The following TKTL1 variants were observed in gnomAD, a reference collection of about 807,000 sequenced individuals.
TKTL1 encodes the protein transketolase-like protein 1.
In TKTL1, 1 loss-of-function variant was observed where a neutral mutation model predicts 39.3. The observed-to-expected ratio is 0.03, with a 90% CI of 0.01 to 0.12. The LOEUF is 0.12. Among genes scored for constraint, TKTL1 ranks in the 10% least tolerant of loss-of-function variants. The probability of loss-of-function intolerance (pLI) is 1.00; values close to 1 mark genes in which losing one functional copy is unlikely to be tolerated. For missense variants in TKTL1, 575 were observed against 509.6 expected, an observed-to-expected ratio of 1.13 and a Z score of -1.24; for synonymous variants, 262 against 193.8, an observed-to-expected ratio of 1.35 and a Z score of -2.92.
Position 154,329,918 on chromosome X carries a change from T to C in TKTL1, c.*230T>C. 9.0e-6 allele frequency: 3 copies of C among 332,968 alleles called. No homozygotes were observed. Among genetic ancestry groups the C allele is most frequent in the East Asian group, 4.7e-5 (1 of 21,480 alleles). The allele number at this position is 332,968 out of a possible 1,213,427, so 27.4% of individuals were successfully genotyped here. A position where few individuals can be genotyped will look rare whatever the true frequency, so the allele number is the denominator to read the frequency against. On this transcript the variant is annotated 3_prime_UTR_variant, in exon 13 of 13. Coordinates refer to ENST00000369915, the MANE Select transcript of TKTL1 (RefSeq NM_012253.4). ...ATCATTAAAGGGAGTTACACAACTTTTAAGTGAAAAAAATAGGTAACAAAA... is the reference window on the plus strand; with the variant it reads ...ATCATTAAAGGGAGTTACACAACTTCTAAGTGAAAAAAATAGGTAACAAAA...
intron 10 of TKTL1, among the ~76,000 whole-genome samples, chrX:154,326,520 A>G (rs187967426): frequency 8.9e-6 from 1 of 112,520 alleles, no homozygotes; most frequent in African/African-American, 3.2e-5. Context: ...GCTGCTCCAG[A>G]ATTCACAGTT....
chrX:154,296,040 G>A (rs782302538), intron 1 of TKTL1, 47 bp downstream of exon 1: 12 of 1,190,239 alleles, frequency 1.0e-5, no homozygotes, highest in Middle Eastern at 2.4e-4. Flanking sequence ...CCACGGGCCC[G>A]GTGGCTTCAG....
intron 1 of TKTL1, among the ~76,000 whole-genome samples, chrX:154,296,273 G>A (rs782504938): frequency 2.7e-5 from 3 of 111,473 alleles, no homozygotes; most frequent in Non-Finnish European, 5.7e-5. Flanking sequence ...AGGTCGCCAA[G>A]ATCTCCAGTT....
intron 7 of TKTL1, among the ~76,000 whole-genome samples, chrX:154,319,375 C>A (rs782734242): frequency 4.5e-5 from 5 of 112,237 alleles, no homozygotes; most frequent in East Asian, 5.6e-4. Flanking sequence ...CCAGGATGAT[C>A]CCCCTGTAAG....
chrX:154,299,263 C>G (rs1451574504), intron 1 of TKTL1, among the ~76,000 whole-genome samples: 1 of 99,053 alleles, frequency 1.0e-5, no homozygotes, highest in East Asian at 3.4e-4. Context: ...TCAAGCAATT[C>G]TCCTGCCTCG....
Position 154,295,846 on chromosome X carries a change from A to C in TKTL1, c.-14A>C. ...CGTAGGAGTGGGTCTTCAGACTCCA[A>C]AGGGGTTGGACTAATGGCGGATGCT... On this transcript the variant is annotated 5_prime_UTR_variant, in exon 1 of 13. Coordinates refer to ENST00000369915, the MANE Select transcript of TKTL1 (RefSeq NM_012253.4). 1 of 1,208,382 alleles carries C rather than the reference A, an allele frequency of 8.3e-7. No homozygotes were observed. Among genetic ancestry groups the C allele is most frequent in the Non-Finnish European group, 1.1e-6 (1 of 893,904 alleles).
chrX:154,299,679 A>G (rs2067258059), intron 1 of TKTL1, among the ~76,000 whole-genome samples: 1 of 111,130 alleles, frequency 9.0e-6, no homozygotes, highest in African/African-American at 3.3e-5. Context: ...AGCTCCACTT[A>G]CAAGTGAAAA....
intron 12 of TKTL1, among the ~76,000 whole-genome samples, chrX:154,328,778 C>G (rs1430596389): frequency 9.1e-6 from 1 of 109,924 alleles, no homozygotes; most frequent in African/African-American, 3.3e-5. Flanking sequence ...TGCCTGATCT[C>G]TCGAAGGACT....
intron 12 of TKTL1, among the ~76,000 whole-genome samples, chrX:154,329,184 A>G (rs1415588022): frequency 8.9e-6 from 1 of 112,462 alleles, no homozygotes; most frequent in Admixed American, 9.4e-5. Context: ...TTCACGAGCC[A>G]AGAGCTAACC....
At chrX:154,310,496 T>C (rs965136701) in intron 3 of TKTL1, among the ~76,000 whole-genome samples, 1 of 112,307 alleles carries the variant, frequency 8.9e-6, no homozygotes, top group East Asian at 2.8e-4. Flanking sequence ...GAAAAATGAA[T>C]GTGTAAATGT....
intron 2 of TKTL1, among the ~76,000 whole-genome samples, chrX:154,308,751 AG>A (rs782456211): frequency 2.7e-5 from 3 of 109,825 alleles, no homozygotes; most frequent in African/African-American, 9.9e-5. Flanking sequence ...GCCTGCAAAC[AG>A]GATGTTGGGG....
chrX:154,308,342 G>A (rs1372173455), intron 2 of TKTL1, among the ~76,000 whole-genome samples: 2 of 112,125 alleles, frequency 1.8e-5, no homozygotes, highest in Non-Finnish European at 3.8e-5. Flanking sequence ...TGCCCACTGT[G>A]TTCAAGGAGC....
chrX:154,314,055 G>A (rs1603353064), intron 6 of TKTL1, among the ~76,000 whole-genome samples: 1 of 111,080 alleles, frequency 9.0e-6, no homozygotes, highest in East Asian at 2.8e-4. Flanking sequence ...TTGACTAAAA[G>A]AGGTATAAAA....
rs184971037 is a variant in TKTL1 at position 154,323,994 on chromosome X, G to A, written c.1317+657G>A. 3.1e-3 allele frequency among the ~76,000 whole-genome samples: 351 copies of A among 112,674 alleles called. 2 individuals are homozygous for A. The highest frequency in any genetic ancestry group is 0.011 in the African/African-American group (334 of 31,129). ...TTGCCACCCTGGACCTCGCCCATGC[G>A]CCACACAGGTAACCCCTGGCACAGT... On this transcript the variant is annotated intron_variant, in intron 9 of 12. Coordinates refer to ENST00000369915, the MANE Select transcript of TKTL1 (RefSeq NM_012253.4).
chrX:154,304,428 C>A (rs1194965305), intron 1 of TKTL1, among the ~76,000 whole-genome samples: 23 of 110,030 alleles, frequency 2.1e-4, no homozygotes, highest in African/African-American at 7.3e-4. Flanking sequence ...TTTTTGTGTC[C>A]TTTGAAGCTT....
intron 10 of TKTL1, among the ~76,000 whole-genome samples, chrX:154,326,396 T>C (rs1365794160): frequency 1.8e-5 from 2 of 112,511 alleles, no homozygotes; most frequent in Non-Finnish European, 3.8e-5. Context: ...CTGTCTTTGT[T>C]CTAGGCATAC....
rs782027018 is a variant in TKTL1, at chrX:154,324,295, G to A, written c.1317+958G>A. 1.2e-4 allele frequency among the ~76,000 whole-genome samples: 13 copies of A among 111,072 alleles called. No homozygotes were observed. In the East Asian group the frequency reaches 3.4e-3, roughly 29 times the overall value. ...TGCGACTAGAGGTGCACTCCACCAC[G>A]GCCGGCTAATTTTTGTATTTTTGGG... On this transcript the variant is annotated intron_variant, in intron 9 of 12. Transcript: ENST00000369915.
At chrX:154,321,173 G>C (rs1205138740) in intron 8 of TKTL1, among the ~76,000 whole-genome samples, 1 of 110,062 alleles carries the variant, frequency 9.1e-6, no homozygotes, top group African/African-American at 3.3e-5. Flanking sequence ...GTTGAGCTGC[G>C]TGCAGGTTAT....
rs1557168280 is a variant in TKTL1 at position 154,311,226 on chromosome X, C to T, written c.658C>T (p.Arg220Trp). 2 of 1,211,368 alleles carry T rather than the reference C, an allele frequency of 1.7e-6. No individual in the cohort carries two copies. The highest frequency in any genetic ancestry group is 2.2e-6 in the Non-Finnish European group (2 of 895,139). Residue 220 changes from arginine to tryptophan, a missense_variant, in exon 5 of 13, where the codon CGG becomes TGG. Transcript: ENST00000369915. ...TAVVAKTFKG[R>W]GTPSIEDAES... ...TGTGGTGGCCAAGACCTTCAAGGGC[C>T]GGGGCACCCCAAGTAAGCAAGCACT... is the stretch of plus-strand genomic sequence containing the variant.
Sources: gnomAD v4.1 joint callset for allele counts (sites outside exome capture counted in the v4.1 genomes callset) on GRCh38, gnomAD v4.1.1 for gene constraint, MANE v1.5 for transcripts, NCBI Gene and HGNC (gene_info 2026-07-23, HGNC 2026-07-21) for gene names.